CTNNA2: variants seen among roughly 807,000 people sequenced by gnomAD.
The protein encoded by CTNNA2 is catenin alpha-2.
A neutral mutation model predicts 101.0 loss-of-function variants in CTNNA2; 42 were observed. The ratio of observed to expected loss-of-function variants is 0.42; its 90% CI spans 0.32 to 0.54. The LOEUF (loss-of-function observed/expected upper bound fraction) is 0.54. CTNNA2 is among the 20% of genes least tolerant of loss of function. CTNNA2 has a pLI of 0.14. For synonymous variants in CTNNA2, 450 were observed against 456.4 expected, an observed-to-expected ratio of 0.99 and a Z score of 0.18; for missense variants, 871 against 1,223.1, an observed-to-expected ratio of 0.71 and a Z score of 4.29.
At position 79,202,982 on chromosome 2, in the gene CTNNA2, T is replaced by G. The variant is rs558465528; in HGVS notation, c.-406+4906T>G. Among the ~76,000 whole-genome samples the G allele has an allele frequency of 1.8e-4, 27 of 152,328 alleles. No homozygotes were observed. The East Asian group carries it at 5.0e-3, about 28-fold the overall frequency. ...CCAGTAGATCCGAATGGATTTAAAG[T>G]TCTTTAACTCCTTTCTTCCATGTAG... On this transcript the variant is annotated intron_variant, in intron 2 of 21. Coordinates refer to the CTNNA2 transcript ENST00000466387.
chr2:80,086,588 T>C (rs922247991), intron 7 of CTNNA2, among the ~76,000 whole-genome samples: 1 of 152,036 alleles, frequency 6.6e-6, no homozygotes, highest in African/African-American at 2.4e-5. Flanking sequence ...GGGCCTAGGC[T>C]TTATCATTTA....
chr2:80,374,766 C>T (rs1488254233), intron 7 of CTNNA2, among the ~76,000 whole-genome samples: 1 of 150,824 alleles, frequency 6.6e-6, no homozygotes, highest in East Asian at 2.0e-4. Flanking sequence ...GGGCTGAGAT[C>T]GTTAGGACTA....
At chr2:79,694,275 GAA>G (rs1684508602) in intron 2 of CTNNA2, among the ~76,000 whole-genome samples, 2 of 151,670 alleles carry the variant, frequency 1.3e-5, no homozygotes, top group African/African-American at 4.8e-5. Flanking sequence ...AGTTCAGAAA[GAA>G]AAAAGTGTTT....
chr2:79,907,334 C>T (rs4589787), intron 6 of CTNNA2, among the ~76,000 whole-genome samples: 107,886 of 143,338 alleles, frequency 0.75, 39,654 homozygotes, highest in African/African-American at 0.89. Flanking sequence ...TATATATATA[C>T]ACACACACAC....
intron 7 of CTNNA2, among the ~76,000 whole-genome samples, chr2:79,999,037 A>G (rs1692747927): frequency 6.6e-6 from 1 of 152,070 alleles, no homozygotes; most frequent in African/African-American, 2.4e-5. Context: ...TCTAGCTTTC[A>G]GCTCTAAAAA....
chr2:79,226,370 G>A (rs1180259406), intron 2 of CTNNA2, among the ~76,000 whole-genome samples: 1 of 152,138 alleles, frequency 6.6e-6, no homozygotes, highest in Non-Finnish European at 1.5e-5. Flanking sequence ...TAGAGATTTT[G>A]AGAGTATTGC....
At chr2:79,706,342 G>C (rs372832145) in intron 2 of CTNNA2, among the ~76,000 whole-genome samples, 1 of 134,546 alleles carries the variant, frequency 7.4e-6, no homozygotes, top group Non-Finnish European at 1.5e-5. Context: ...CGCCCTGGGC[G>C]ACAGAGCGAG....
chr2:80,443,391 TA>T (rs1489196629), intron 9 of CTNNA2, among the ~76,000 whole-genome samples: 1 of 152,190 alleles, frequency 6.6e-6, no homozygotes, highest in Non-Finnish European at 1.5e-5. Flanking sequence ...CAATCGCAAA[TA>T]TTTATTGAGC....
intron 9 of CTNNA2, among the ~76,000 whole-genome samples, chr2:80,493,935 A>G (rs1446167597): frequency 1.3e-5 from 2 of 152,208 alleles, no homozygotes; most frequent in East Asian, 3.9e-4. Flanking sequence ...TCTACACTAT[A>G]ATTTTCACCT....
intron 4 of CTNNA2, chr2:79,500,971 C>T (rs992094083): frequency 6.6e-6 from 1 of 152,208 alleles, no homozygotes; most frequent in Non-Finnish European, 1.5e-5. Flanking sequence ...CAGCCACTGT[C>T]AGCAATTACT....
chr2:80,120,736 A>G (rs998259295), intron 7 of CTNNA2, among the ~76,000 whole-genome samples: 1 of 152,190 alleles, frequency 6.6e-6, no homozygotes, highest in African/African-American at 2.4e-5. Context: ...ACAGGATATC[A>G]GGGCTCCGGA....
At chr2:80,306,254 A>G (rs1676934387) in intron 7 of CTNNA2, among the ~76,000 whole-genome samples, 2 of 152,180 alleles carry the variant, frequency 1.3e-5, no homozygotes. Context: ...TAGGAGTTAG[A>G]AGAGACATTA....
chr2:80,451,120 G>A (rs1683471961), intron 9 of CTNNA2, among the ~76,000 whole-genome samples: 2 of 152,050 alleles, frequency 1.3e-5, no homozygotes. Flanking sequence ...ACGGTGTGTA[G>A]GTGATTAAGA....
intron 4 of CTNNA2, among the ~76,000 whole-genome samples, chr2:79,458,686 T>G (rs1670849486): frequency 6.6e-6 from 1 of 152,188 alleles, no homozygotes; most frequent in South Asian, 2.1e-4. Flanking sequence ...ATATTTGCCA[T>G]GCTTTACAGT....
intron 7 of CTNNA2, among the ~76,000 whole-genome samples, chr2:80,103,728 T>A (rs1700697638): frequency 6.6e-6 from 1 of 152,134 alleles, no homozygotes; most frequent in Non-Finnish European, 1.5e-5. Flanking sequence ...AATAATGTTT[T>A]GTTTTGTTTT....
chr2:80,464,630 T>G (rs981537391), intron 9 of CTNNA2, among the ~76,000 whole-genome samples: 1 of 152,174 alleles, frequency 6.6e-6, no homozygotes, highest in Non-Finnish European at 1.5e-5. Flanking sequence ...GTCATTAAGT[T>G]TTTTTCTTTT....
intron 4 of CTNNA2, among the ~76,000 whole-genome samples, chr2:79,861,987 G>A (rs995143193): frequency 5.3e-5 from 8 of 152,112 alleles, no homozygotes; most frequent in African/African-American, 1.4e-4. Flanking sequence ...TGTGGCATCC[G>A]GAATTTTAAA....
At chr2:79,530,121 G>A (rs1428252626) in intron 1 of CTNNA2, among the ~76,000 whole-genome samples, 1 of 152,054 alleles carries the variant, frequency 6.6e-6, no homozygotes, top group African/African-American at 2.4e-5. Context: ...TCTTCATCCT[G>A]ATTTCTGATA....
At chr2:80,601,319 C>G (rs568847009) in intron 15 of CTNNA2, among the ~76,000 whole-genome samples, 1 of 151,498 alleles carries the variant, frequency 6.6e-6, no homozygotes, top group Non-Finnish European at 1.5e-5. Flanking sequence ...TTCTGATATT[C>G]TGGAAGAGTT....
Sources: allele counts gnomAD v4.1 joint callset (sites outside exome capture counted in the v4.1 genomes callset), GRCh38; gene constraint gnomAD v4.1.1; transcripts MANE v1.5; gene names NCBI Gene and HGNC (gene_info 2026-07-23, HGNC 2026-07-21).